SCN2A: variants seen among roughly 807,000 people sequenced by gnomAD.
The protein encoded by SCN2A is sodium channel protein type 2 subunit alpha.
In SCN2A, 20 loss-of-function variants were observed where a neutral mutation model predicts 188.7. The ratio of observed to expected loss-of-function variants is 0.11; its 90% CI spans 0.07 to 0.15. The LOEUF is 0.15. SCN2A is among the 10% of genes least tolerant of loss of function. The probability of loss-of-function intolerance (pLI) is 1.00; values close to 1 mark genes in which losing one functional copy is unlikely to be tolerated. For synonymous variants in SCN2A, 804 were observed against 833.1 expected, an observed-to-expected ratio of 0.97 and a Z score of 0.60; for missense variants, 1,278 against 2,445.0, an observed-to-expected ratio of 0.52 and a Z score of 10.07.
chr2:165,257,215 A>G (rs1314129669), intron 1 of SCN2A, among the ~76,000 whole-genome samples: 3 of 152,184 alleles, frequency 2.0e-5, no homozygotes, highest in Non-Finnish European at 4.4e-5. Context: ...TTTCAGAAAC[A>G]TTAGTGACAC....
intron 1 of SCN2A, among the ~76,000 whole-genome samples, chr2:165,255,200 A>G (rs1694261391): frequency 3.3e-5 from 5 of 151,800 alleles, no homozygotes; most frequent in Admixed American, 1.3e-4. Context: ...TGATTTTCCC[A>G]TAGGGGTATA....
chr2:165,375,043 T>C (rs563705013), intron 22 of SCN2A, 77 bp downstream of exon 22: 10 of 1,268,570 alleles, frequency 7.9e-6, no homozygotes, highest in African/African-American at 5.9e-5. Flanking sequence ...TAATGAGATA[T>C]CCACCTGTTA....
At chr2:165,315,376 G>A (rs761631551) in intron 10 of SCN2A, 95 bp from the exon 11 acceptor site, 1 of 1,565,780 alleles carries the variant, frequency 6.4e-7, no homozygotes, top group Non-Finnish European at 8.7e-7. Context: ...TGTTTTTCAA[G>A]ATTATCTTCA....
intron 1 of SCN2A, among the ~76,000 whole-genome samples, chr2:165,258,079 ATGC>A (rs1694410035): frequency 6.6e-6 from 1 of 152,158 alleles, no homozygotes; most frequent in South Asian, 2.1e-4. Flanking sequence ...ACTTTGTCAG[ATGC>A]ATAGTTTGCA....
At chr2:165,300,351 T>C (rs896270296) in intron 3 of SCN2A, among the ~76,000 whole-genome samples, 1 of 152,210 alleles carries the variant, frequency 6.6e-6, no homozygotes, top group African/African-American at 2.4e-5. Flanking sequence ...CCTACTCTCA[T>C]GTAGTTACAT....
chr2:165,323,620 G>A lies in SCN2A; in HGVS notation c.2016+120G>A, dbSNP rs116522869. ...TTTGTTGCCCAAAGGCTGGGAGTTT[G>A]TTCAATCAAGCTGTTAACTGTCTTG... On this transcript the variant is annotated intron_variant, in intron 12 of 26. Coordinates refer to ENST00000375437, the MANE Select transcript of SCN2A (RefSeq NM_001040142.2). The A allele has an allele frequency of 2.3e-3, 2,082 of 924,606 alleles. 32 individuals carry two copies. In the African/African-American group the frequency reaches 0.028, roughly 12 times the overall value. 57.3% of individuals were successfully genotyped at this position (924,606 alleles called of 1,614,324 possible).
chr2:165,277,790 A>T (rs1169275814), intron 1 of SCN2A, among the ~76,000 whole-genome samples: 1 of 152,196 alleles, frequency 6.6e-6, no homozygotes, highest in Non-Finnish European at 1.5e-5. Flanking sequence ...TCTAGAATCG[A>T]CAGAGGCTAT....
At chr2:165,381,290 T>C in intron 25 of SCN2A, 93 bp downstream of exon 25, 2 of 938,146 alleles carry the variant, frequency 2.1e-6, no homozygotes, top group Non-Finnish European at 3.3e-6. Flanking sequence ...TTTGTGGATT[T>C]GTAACACAAA....
chr2:165,251,630 A>G (rs1183362708), intron 1 of SCN2A, among the ~76,000 whole-genome samples: 1 of 151,390 alleles, frequency 6.6e-6, no homozygotes, highest in Admixed American at 6.6e-5. Flanking sequence ...AGTGGCCCCT[A>G]CTCCCTCTGA....
chr2:165,311,920 T>G (rs1697455730), intron 7 of SCN2A, 105 bp from the exon 8 acceptor site: 1 of 727,990 alleles, frequency 1.4e-6, no homozygotes, highest in Non-Finnish European at 2.5e-6. Context: ...AGTTTATCCA[T>G]CTCATTATGA....
intron 1 of SCN2A, among the ~76,000 whole-genome samples, chr2:165,261,432 C>T (rs756880627): frequency 4.6e-5 from 7 of 152,170 alleles, no homozygotes; most frequent in Admixed American, 6.5e-5. Flanking sequence ...ATTCAGAAGG[C>T]CAGAGGTTGC....
intron 15 of SCN2A, among the ~76,000 whole-genome samples, chr2:165,343,383 T>C (rs1699412383): frequency 6.6e-6 from 1 of 152,224 alleles, no homozygotes; most frequent in East Asian, 1.9e-4. Flanking sequence ...TCTAGAAGGA[T>C]GCAAAAAACA....
chr2:165,376,954 G>A (rs1256361203), intron 22 of SCN2A, among the ~76,000 whole-genome samples: 2 of 151,836 alleles, frequency 1.3e-5, no homozygotes, highest in East Asian at 3.9e-4. Flanking sequence ...AAGAGCCTGT[G>A]GCACTAAGGA....
rs917357993 is a variant in SCN2A, at chr2:165,389,449, G to C, written c.5643G>C (p.Glu1881Asp). ...EMDALRIQMEERFMASNPSKV... is the reference protein window; with the variant it reads ...EMDALRIQMEDRFMASNPSKV... The stretch of plus-strand genomic sequence containing the variant: ...ATGCCCTTCGAATACAGATGGAAGA[G>C]CGATTCATGGCATCAAACCCCTCCA... Residue 1881 changes from glutamate (E) to aspartate (D), a missense_variant, in exon 27 of 27, where the codon GAG becomes GAC. By Grantham distance (45) the Glu-to-Asp change is conservative. Coordinates refer to ENST00000375437, the MANE Select transcript of SCN2A (RefSeq NM_001040142.2). The surrounding 1 kb of genome is among the most constrained non-coding windows in gnomAD (Gnocchi z 4.2). 5.6e-6 allele frequency: 9 copies of C among 1,613,794 alleles called. No homozygotes were observed. Among genetic ancestry groups the C allele is most frequent in the Non-Finnish European group, 7.6e-6 (9 of 1,179,968 alleles).
chr2:165,367,353 G>A lies in SCN2A; in HGVS notation c.3657G>A (p.Leu1219=). The stretch of plus-strand genomic sequence containing the variant: ...AAACCTTCATTGTCTTCATGATTCT[G>A]CTGAGCAGTGGGGCTCTGGTAGGTG... The part of the protein sequence containing the change: ...WFETFIVFMI[L]LSSGALAFED... Residue 1219 remains leucine, a synonymous_variant, in exon 19 of 27, where the codon CTG becomes CTA. Transcript: ENST00000375437. 6.2e-7 allele frequency: 1 copy of A among 1,614,202 alleles called. No individual in the cohort carries two copies. The highest frequency in any genetic ancestry group is 8.5e-7 in the Non-Finnish European group (1 of 1,180,046).
chr2:165,301,952 T>A (rs554485773), intron 3 of SCN2A, among the ~76,000 whole-genome samples: 1 of 152,350 alleles, frequency 6.6e-6, no homozygotes, highest in South Asian at 2.1e-4. Flanking sequence ...ACCAGGTTTT[T>A]TGATTCTTGG....
chr2:165,387,167 T>C, intron 26 of SCN2A, 151 bp downstream of exon 26: 1 of 759,624 alleles, frequency 1.3e-6, no homozygotes, highest in Non-Finnish European at 2.2e-6. Flanking sequence ...TAGTTTGCCA[T>C]TTCTCTAATT....
At chr2:165,255,278 A>G (rs1391042640) in intron 1 of SCN2A, among the ~76,000 whole-genome samples, 1 of 151,392 alleles carries the variant, frequency 6.6e-6, no homozygotes, top group Non-Finnish European at 1.5e-5. Flanking sequence ...GAATGCATGT[A>G]TTGCCTTATT....
chr2:165,387,294 G>T (rs1191054166), intron 26 of SCN2A, among the ~76,000 whole-genome samples: 1 of 152,150 alleles, frequency 6.6e-6, no homozygotes, highest in East Asian at 1.9e-4. Context: ...CTGCAACTTT[G>T]GTAGAATAGT....
Sources: gnomAD v4.1 joint callset for allele counts (sites outside exome capture counted in the v4.1 genomes callset) on GRCh38, gnomAD v4.1.1 for gene constraint, Gnocchi (gnomAD v3.1) non-coding constraint, MANE v1.5 for transcripts, NCBI Gene and HGNC (gene_info 2026-07-23, HGNC 2026-07-21) for gene names.